Variants in ZNF652 observed in about 807,000 individuals in gnomAD.
The protein encoded by ZNF652 is zinc finger protein 652.
A neutral mutation model predicts 45.2 loss-of-function variants in ZNF652; 16 were observed. The ratio of observed to expected loss-of-function variants is 0.35; its 90% CI spans 0.24 to 0.54. ZNF652 has a LOEUF of 0.54. Ranked by LOEUF, ZNF652 falls within the 20% of genes least tolerant of loss-of-function variation. The pLI, the probability that ZNF652 is intolerant of heterozygous loss-of-function variation, is 0.91. For synonymous variants in ZNF652, 250 were observed against 260.6 expected, an observed-to-expected ratio of 0.96 and a Z score of 0.39; for missense variants, 614 against 765.6, an observed-to-expected ratio of 0.80 and a Z score of 2.34.
chr17:49,339,626 C>T (rs2070122928), intron 1 of ZNF652, among the ~76,000 whole-genome samples: 6 of 152,162 alleles, frequency 3.9e-5, no homozygotes, highest in Admixed American at 3.9e-4. Flanking sequence ...CCGACATTAT[C>T]TTCACTGGCT....
chr17:49,295,979 AACCAATTAACTAAGC>A lies in ZNF652; in HGVS notation c.*2419_*2433del, dbSNP rs1286235129. 7 of 150,858 alleles carry A rather than the reference AACCAATTAACTAAGC, an allele frequency of 4.6e-5. No individual in the cohort carries two copies. The highest frequency in any genetic ancestry group is 7.4e-5 in the Non-Finnish European group (5 of 67,780). The allele number at this position is 150,858 out of a possible 1,614,324, so 9.3% of individuals were successfully genotyped here. A position where few individuals can be genotyped will look rare whatever the true frequency, so the allele number is the denominator to read the frequency against. The stretch of plus-strand genomic sequence containing the variant: ...AAAAAAAAAAAACAGAACAAAATAT[AACCAATTAACTAAGC>A]ACAGTTTACATCTTTTAAAAAAATC... On this transcript the variant is annotated 3_prime_UTR_variant, in exon 6 of 6. Coordinates refer to ENST00000430262, the MANE Select transcript of ZNF652 (RefSeq NM_001145365.3).
rs79796936 is a variant in ZNF652 at position 49,358,444 on chromosome 17, C to T, written c.-259+3465G>A. 5.1e-3 allele frequency among the ~76,000 whole-genome samples: 780 copies of T among 152,238 alleles called. 7 individuals are homozygous for T. The highest frequency in any genetic ancestry group is 0.016 in the African/African-American group (656 of 41,540). On this transcript the variant is annotated intron_variant, in intron 1 of 5. Coordinates refer to ENST00000430262, the MANE Select transcript of ZNF652 (RefSeq NM_001145365.3). Reference sequence around the variant, plus strand: ...CCTTTAGAATAACAAGTTTTAAAGGCTATGGTTCAAAATACAAGACAATCC... The same window carrying T: ...CCTTTAGAATAACAAGTTTTAAAGGTTATGGTTCAAAATACAAGACAATCC...
intron 5 of ZNF652, among the ~76,000 whole-genome samples, chr17:49,300,042 G>A (rs2069530982): frequency 6.6e-6 from 1 of 152,082 alleles, no homozygotes; most frequent in African/African-American, 2.4e-5. Flanking sequence ...ATGTCCTGTG[G>A]AACAAAGAAG....
chr17:49,351,016 C>CAT (rs1567700306), intron 1 of ZNF652, among the ~76,000 whole-genome samples: 4 of 20,334 alleles, frequency 2.0e-4, no homozygotes, highest in South Asian at 1.3e-3. Flanking sequence ...TATATATATA[C>CAT]ACACACACAC....
chr17:49,312,589 T>A, intron 3 of ZNF652, 109 bp downstream of exon 3: 1 of 1,240,342 alleles, frequency 8.1e-7, no homozygotes, highest in Non-Finnish European at 1.1e-6. Context: ...AGTTTCAACA[T>A]GTCAAAACTG....
intron 1 of ZNF652, 48 bp downstream of exon 1, chr17:49,361,861 C>A (rs1203201285): frequency 6.6e-6 from 1 of 151,022 alleles, no homozygotes; most frequent in African/African-American, 2.4e-5. Context: ...CTGCCGGGGG[C>A]GCCGCCGCGG....
At chr17:49,344,666 G>A (rs994301627) in intron 1 of ZNF652, among the ~76,000 whole-genome samples, 3 of 151,650 alleles carry the variant, frequency 2.0e-5, no homozygotes, top group Admixed American at 6.6e-5. Flanking sequence ...GACTACAGGC[G>A]CACGCCACCA....
intron 1 of ZNF652, among the ~76,000 whole-genome samples, chr17:49,318,782 G>A (rs567258954): frequency 2.0e-5 from 3 of 152,170 alleles, no homozygotes; most frequent in Admixed American, 6.5e-5. Context: ...CAGAACAAAG[G>A]GGGTAGTGGG....
At chr17:49,332,307 C>A (rs2070033594) in intron 1 of ZNF652, among the ~76,000 whole-genome samples, 1 of 152,142 alleles carries the variant, frequency 6.6e-6, no homozygotes, top group African/African-American at 2.4e-5. Context: ...CTGAACTAGT[C>A]TTAAACCAAG....
chr17:49,315,967 A>G (rs2069798338), intron 2 of ZNF652, among the ~76,000 whole-genome samples: 1 of 152,236 alleles, frequency 6.6e-6, no homozygotes, highest in Admixed American at 6.5e-5. Flanking sequence ...AACCAACACA[A>G]TTTATCCTTT....
intron 1 of ZNF652, among the ~76,000 whole-genome samples, chr17:49,328,292 A>G (rs771363336): frequency 1.3e-5 from 2 of 151,866 alleles, no homozygotes; most frequent in Non-Finnish European, 1.5e-5. Context: ...TCAGATGGAG[A>G]AGTGGGAAGG....
rs1440170657 is a variant in ZNF652, at chr17:49,293,645, C to T, written c.*4768G>A. 1.7e-5 allele frequency among the ~76,000 whole-genome samples: 2 copies of T among 118,558 alleles called. No homozygotes were observed. Among genetic ancestry groups the T allele is most frequent in the Admixed American group, 1.1e-4 (1 of 9,514 alleles). 77.8% of individuals were successfully genotyped at this position (118,558 alleles called of 152,430 possible). ...GCCACTATTTCTAATGGCTTATGAC[C>T]TTTCATTCCTAAAAAAAAAAAAAAA... On this transcript the variant is annotated 3_prime_UTR_variant, in exon 6 of 6. Transcript: ENST00000430262.
At position 49,358,290 on chromosome 17, in the gene ZNF652, C is replaced by T. The variant is rs375850542; in HGVS notation, c.-259+3619G>A. 2.0e-5 allele frequency among the ~76,000 whole-genome samples: 3 copies of T among 152,278 alleles called. No individual in the cohort carries two copies. In the East Asian group the frequency reaches 5.8e-4, roughly 29 times the overall value. On this transcript the variant is annotated intron_variant, in intron 1 of 5. Coordinates refer to ENST00000430262, the MANE Select transcript of ZNF652 (RefSeq NM_001145365.3). ...TCAGCTAAAGTCACTAAACGCAGCA[C>T]CAGTTCACCTCTATCGAAGTAAATT...
chr17:49,351,014 TACACACACACACA>T (rs2070273691), intron 1 of ZNF652, among the ~76,000 whole-genome samples: 1 of 29,732 alleles, frequency 3.4e-5, no homozygotes. Context: ...TATATATATA[TACACACACACACA>T]CACACACACA....
At chr17:49,347,761 T>C (rs2070222129) in intron 1 of ZNF652, among the ~76,000 whole-genome samples, 1 of 109,128 alleles carries the variant, frequency 9.2e-6, no homozygotes, top group Non-Finnish European at 1.9e-5. Flanking sequence ...TTTTTTTTTT[T>C]TTGAGACACA....
chr17:49,354,361 G>A (rs1291125733), intron 1 of ZNF652, among the ~76,000 whole-genome samples: 4 of 152,082 alleles, frequency 2.6e-5, no homozygotes, highest in Non-Finnish European at 4.4e-5. Context: ...AGTCTCTGCT[G>A]TGTAATATAT....
chr17:49,311,739 A>C (rs1311457466), intron 4 of ZNF652, among the ~76,000 whole-genome samples, 188 bp downstream of exon 4: 1 of 152,244 alleles, frequency 6.6e-6, no homozygotes, highest in African/African-American at 2.4e-5. Flanking sequence ...AAGAGAGTTA[A>C]CAGTGTGTTA....
chr17:49,311,920 T>C lies in ZNF652; in HGVS notation c.1164+7A>G. 3.7e-6 allele frequency: 6 copies of C among 1,609,530 alleles called. No homozygotes were observed. Among genetic ancestry groups the C allele is most frequent in the Non-Finnish European group, 5.1e-6 (6 of 1,176,288 alleles). ...AGGCCTGGGCCTGTAGGTAGCACAT[T>C]CCTTACCTCGCATCTAAAGGGCTTC... On this transcript the variant is annotated splice_region_variant and intron_variant, in intron 4 of 5. Transcript: ENST00000430262.
At chr17:49,288,371 T>C (rs1019357860), downstream of ZNF652, 6 of 152,296 alleles carry the variant, frequency 3.9e-5, no homozygotes, top group African/African-American at 1.4e-4. Flanking sequence ...TTTATTCCAT[T>C]CTAAGAGGTT....
Sources: gnomAD v4.1 joint callset for allele counts (sites outside exome capture counted in the v4.1 genomes callset) on GRCh38, gnomAD v4.1.1 for gene constraint, MANE v1.5 for transcripts, NCBI Gene and HGNC (gene_info 2026-07-23, HGNC 2026-07-21) for gene names.